The following MAP3K5 variants were observed in gnomAD, a reference collection of about 807,000 sequenced individuals.
The protein encoded by MAP3K5 is ASK-1.
In MAP3K5, 56 loss-of-function variants were observed where a neutral mutation model predicts 158.7. The observed-to-expected ratio is 0.35, with a 90% CI of 0.28 to 0.44. The LOEUF is 0.44. MAP3K5 is among the 20% of genes least tolerant of loss of function. The probability of loss-of-function intolerance (pLI) is 1.00; values close to 1 mark genes in which losing one functional copy is unlikely to be tolerated. For missense variants in MAP3K5, 1,294 were observed against 1,674.8 expected (o/e 0.77, Z 3.97); for synonymous variants, 579 against 601.7 (o/e 0.96, Z 0.55).
intron 8 of MAP3K5, among the ~76,000 whole-genome samples, chr6:136,664,765 T>C (rs1048924832): frequency 2.0e-5 from 3 of 152,180 alleles, no homozygotes; most frequent in African/African-American, 7.2e-5. Context: ...ATCCTGTCTC[T>C]ACTAAAACTA....
chr6:136,586,140 T>G (rs1283023969), intron 23 of MAP3K5, among the ~76,000 whole-genome samples: 1 of 152,212 alleles, frequency 6.6e-6, no homozygotes, highest in Non-Finnish European at 1.5e-5. Flanking sequence ...AAAATCACAA[T>G]GGGAACCATT....
chr6:136,667,869 A>G (rs1019469178), intron 8 of MAP3K5, among the ~76,000 whole-genome samples: 4 of 152,002 alleles, frequency 2.6e-5, no homozygotes, highest in Non-Finnish European at 5.9e-5. Context: ...AATTATTTCA[A>G]ACAGACCTTT....
chr6:136,753,171 A>G (rs1465430749), intron 1 of MAP3K5, among the ~76,000 whole-genome samples: 1 of 152,250 alleles, frequency 6.6e-6, no homozygotes, highest in Non-Finnish European at 1.5e-5. Context: ...CCACAGATGC[A>G]TAAAAAAAGA....
At chr6:136,669,503 C>A in intron 7 of MAP3K5, 108 bp from the exon 8 acceptor site, 2 of 656,688 alleles carry the variant, frequency 3.0e-6, no homozygotes, top group Non-Finnish European at 2.7e-6. Context: ...AAAAATATTG[C>A]ACTGGCCTTC....
chr6:136,608,432 T>G (rs1285805958), intron 18 of MAP3K5, among the ~76,000 whole-genome samples: 1 of 150,400 alleles, frequency 6.6e-6, no homozygotes, highest in Non-Finnish European at 1.5e-5. Flanking sequence ...GCGATGAGAG[T>G]GGCAGCAGCA....
Position 136,603,176 on chromosome 6 carries a change from C to CTT in MAP3K5, c.2680-1199_2680-1198dup, listed in dbSNP as rs397962146. 7.2e-5 allele frequency among the ~76,000 whole-genome samples: 10 copies of CTT among 139,490 alleles called. 1 individual carries two copies. Among genetic ancestry groups the CTT allele is most frequent in the African/African-American group, 1.6e-4 (6 of 38,314 alleles). The allele number at this position is 139,490 out of a possible 152,430, so 91.5% of individuals were successfully genotyped here. On this transcript the variant is annotated intron_variant, in intron 19 of 29. Coordinates refer to ENST00000359015, the MANE Select transcript of MAP3K5 (RefSeq NM_005923.4). ...TCAAAAAGCTCTTATTATACAGGTA[C>CTT]TTTTTTTTTTTTTTTAAGATGGAGT...
intron 23 of MAP3K5, among the ~76,000 whole-genome samples, chr6:136,591,596 T>C (rs973188028): frequency 6.6e-6 from 1 of 152,224 alleles, no homozygotes; most frequent in Admixed American, 6.6e-5. Context: ...TTATGTCAAT[T>C]AGTCTACGGC....
chr6:136,736,970 C>T (rs1782487546), intron 1 of MAP3K5, among the ~76,000 whole-genome samples: 1 of 149,176 alleles, frequency 6.7e-6, no homozygotes, highest in African/African-American at 2.5e-5. Flanking sequence ...GGATATGAGC[C>T]ACTGTGTACA....
chr6:136,662,822 AT>A (rs1339027012), intron 8 of MAP3K5, among the ~76,000 whole-genome samples: 3 of 152,156 alleles, frequency 2.0e-5, no homozygotes, highest in African/African-American at 7.2e-5. Flanking sequence ...ATTTAAAAAT[AT>A]TTTGGTTGAA....
chr6:136,665,930 C>A (rs1200745395), intron 8 of MAP3K5, among the ~76,000 whole-genome samples: 5 of 151,996 alleles, frequency 3.3e-5, no homozygotes, highest in African/African-American at 1.2e-4. Context: ...GTCTAAGTTC[C>A]AAACATAGTG....
chr6:136,721,522 T>C (rs1781746577), intron 1 of MAP3K5, among the ~76,000 whole-genome samples: 1 of 152,138 alleles, frequency 6.6e-6, no homozygotes, highest in African/African-American at 2.4e-5. Flanking sequence ...AAACGAAATT[T>C]AGATTAGTCT....
At chr6:136,758,263 G>C (rs113980530) in intron 1 of MAP3K5, among the ~76,000 whole-genome samples, 2 of 151,868 alleles carry the variant, frequency 1.3e-5, no homozygotes, top group Admixed American at 6.6e-5. Context: ...TAATATTTTA[G>C]AGCACTAAAA....
intron 14 of MAP3K5, among the ~76,000 whole-genome samples, chr6:136,634,075 G>A (rs1466281543): frequency 6.6e-6 from 1 of 152,080 alleles, no homozygotes; most frequent in African/African-American, 2.4e-5. Context: ...TGTTATTCAT[G>A]GGCTGAAGTT....
intron 23 of MAP3K5, among the ~76,000 whole-genome samples, chr6:136,588,380 T>C (rs1775231268): frequency 6.6e-6 from 1 of 152,166 alleles, no homozygotes; most frequent in Non-Finnish European, 1.5e-5. Flanking sequence ...AAAATGAGGA[T>C]GCTAATAGAA....
chr6:136,789,130 T>C (rs943968450), intron 1 of MAP3K5, among the ~76,000 whole-genome samples: 8 of 151,836 alleles, frequency 5.3e-5, no homozygotes, highest in African/African-American at 1.5e-4. Flanking sequence ...ACCCCGTCTC[T>C]ACAAAAAAAA....
chr6:136,581,182 C>A (rs1774859246), intron 24 of MAP3K5, among the ~76,000 whole-genome samples: 1 of 152,194 alleles, frequency 6.6e-6, no homozygotes, highest in Non-Finnish European at 1.5e-5. Flanking sequence ...AATTTTACTA[C>A]TGTAGGTACC....
intron 7 of MAP3K5, among the ~76,000 whole-genome samples, chr6:136,679,691 T>C (rs1779851431): frequency 6.6e-6 from 1 of 152,146 alleles, no homozygotes; most frequent in South Asian, 2.1e-4. Context: ...ATATTTTTTT[T>C]CCAAAAAAAG....
chr6:136,780,792 TA>T (rs1784582507), intron 1 of MAP3K5, among the ~76,000 whole-genome samples: 1 of 152,236 alleles, frequency 6.6e-6, no homozygotes, highest in South Asian at 2.1e-4. Flanking sequence ...TCTTTATAAC[TA>T]AAATGTTTCA....
At chr6:136,723,284 CTT>C (rs929234063) in intron 1 of MAP3K5, among the ~76,000 whole-genome samples, 10 of 151,572 alleles carry the variant, frequency 6.6e-5, no homozygotes, top group Admixed American at 2.6e-4. Context: ...TAGAATAAGA[CTT>C]AGCAACAGGG....
Sources: allele counts gnomAD v4.1 joint callset (sites outside exome capture counted in the v4.1 genomes callset), GRCh38; gene constraint gnomAD v4.1.1; transcripts MANE v1.5; gene names NCBI Gene and HGNC (gene_info 2026-07-23, HGNC 2026-07-21).